EPC1: variants seen among roughly 807,000 people sequenced by gnomAD.
The protein encoded by EPC1 is enhancer of polycomb homolog 1.
In EPC1, 12 loss-of-function variants were observed where a neutral mutation model predicts 98.4. That is an observed-to-expected ratio of 0.12 (90% CI 0.08 to 0.20). The LOEUF (loss-of-function observed/expected upper bound fraction) is 0.20, where lower values mean the gene tolerates loss of function less well. EPC1 is among the 10% of genes least tolerant of loss of function. The pLI, the probability that EPC1 is intolerant of heterozygous loss-of-function variation, is 1.00. For missense variants in EPC1, 729 were observed against 990.5 expected, an observed-to-expected ratio of 0.74 and a Z score of 3.54; for synonymous variants, 357 against 363.9, an observed-to-expected ratio of 0.98 and a Z score of 0.21.
intron 1 of EPC1, chr10:32,374,266 T>C (rs1839826981): frequency 6.6e-6 from 1 of 152,208 alleles, no homozygotes; most frequent in Non-Finnish European, 1.5e-5. Flanking sequence ...ATATAATACT[T>C]CAATACTAAT....
rs373464124 is a variant in EPC1 at position 32,283,220 on chromosome 10, A to T, written c.1744+1478T>A. The T allele has an allele frequency of 5.1e-4, 78 of 152,222 alleles. 3 individuals carry two copies. In the South Asian group the frequency reaches 0.01, roughly 20 times the overall value. The allele number at this position is 152,222 out of a possible 1,614,324, so 9.4% of individuals were successfully genotyped here. A position where few individuals can be genotyped will look rare whatever the true frequency, so the allele number is the denominator to read the frequency against. ...TGTCACCTCTCAGATGACAAGACCA[A>T]CCCCTCCTCCCCCTCAATGTGAAGA... On this transcript the variant is annotated intron_variant, in intron 10 of 13. Transcript: ENST00000319778.
At chr10:32,297,837 G>A (rs1206070529) in intron 2 of EPC1, among the ~76,000 whole-genome samples, 2 of 151,898 alleles carry the variant, frequency 1.3e-5, no homozygotes, top group African/African-American at 2.4e-5. Context: ...TCGCTCTGTC[G>A]CCCAGGCTGG....
At chr10:32,359,656 C>A (rs763679840) in intron 1 of EPC1, among the ~76,000 whole-genome samples, 1 of 152,040 alleles carries the variant, frequency 6.6e-6, no homozygotes, top group Admixed American at 6.5e-5. Flanking sequence ...TTGAATAGAT[C>A]ATTTTACTCT....
At chr10:32,352,167 C>T (rs897548150), upstream of EPC1, among the ~76,000 whole-genome samples, 7 of 151,272 alleles carry the variant, frequency 4.6e-5, no homozygotes, top group Admixed American at 4.6e-4. Flanking sequence ...GCCTCAGCCT[C>T]CTGAGTAGCT....
chr10:32,295,917 C>A (rs1835124924), intron 2 of EPC1, among the ~76,000 whole-genome samples: 1 of 150,764 alleles, frequency 6.6e-6, no homozygotes, highest in South Asian at 2.1e-4. Context: ...GCAATGTTCT[C>A]AATGTTCTTT....
intron 1 of EPC1, among the ~76,000 whole-genome samples, chr10:32,329,100 G>A (rs1837485196): frequency 6.6e-6 from 1 of 152,186 alleles, no homozygotes; most frequent in African/African-American, 2.4e-5. Flanking sequence ...CATATGACAA[G>A]ATTGTACCTC....
At chr10:32,311,458 A>G (rs1836225284) in intron 1 of EPC1, among the ~76,000 whole-genome samples, 1 of 152,156 alleles carries the variant, frequency 6.6e-6, no homozygotes, top group Non-Finnish European at 1.5e-5. Context: ...TGGATAAAGA[A>G]GAGGGCACTA....
At chr10:32,296,621 A>G (rs959484206) in intron 2 of EPC1, among the ~76,000 whole-genome samples, 1 of 152,158 alleles carries the variant, frequency 6.6e-6, no homozygotes, top group African/African-American at 2.4e-5. Context: ...ATAAAATCTT[A>G]AACAGGGGCC....
At chr10:32,302,145 C>A (rs771212657) in intron 2 of EPC1, among the ~76,000 whole-genome samples, 1 of 151,716 alleles carries the variant, frequency 6.6e-6, no homozygotes, top group Non-Finnish European at 1.5e-5. Context: ...TGGTGGCATG[C>A]GCCTGTGGTC....
At chr10:32,369,062 G>T (rs1267711629) in intron 1 of EPC1, among the ~76,000 whole-genome samples, 1 of 152,176 alleles carries the variant, frequency 6.6e-6, no homozygotes, top group East Asian at 1.9e-4. Context: ...GAGGCTTCTG[G>T]TCAGCTATTC....
intron 1 of EPC1, among the ~76,000 whole-genome samples, chr10:32,325,477 T>C (rs1281216314): frequency 1.3e-5 from 2 of 152,220 alleles, no homozygotes; most frequent in Non-Finnish European, 2.9e-5. Context: ...AAGGGGCTAA[T>C]GGTTGCAAAA....
chr10:32,312,048 C>G (rs1836265537), intron 1 of EPC1, among the ~76,000 whole-genome samples: 1 of 152,146 alleles, frequency 6.6e-6, no homozygotes, highest in Non-Finnish European at 1.5e-5. Context: ...GAAAGCAAAA[C>G]CATGGATGAT....
chr10:32,305,979 T>G (rs1835853707), intron 1 of EPC1, 48 bp from the exon 2 acceptor site: 3 of 1,496,720 alleles, frequency 2.0e-6, no homozygotes, highest in Non-Finnish European at 2.7e-6. Context: ...TAAAAAGCAG[T>G]AAACAGATCA....
At chr10:32,328,999 C>T (rs1201323994) in intron 1 of EPC1, among the ~76,000 whole-genome samples, 6 of 152,310 alleles carry the variant, frequency 3.9e-5, no homozygotes, top group East Asian at 1.9e-4. Context: ...GAGCTGGCTT[C>T]GCCGGGGGAG....
At position 32,302,868 on chromosome 10, in the gene EPC1, G is replaced by A. The variant is rs180983806; in HGVS notation, c.313+2904C>T. Among the ~76,000 whole-genome samples, 15 of 152,242 alleles carry A rather than the reference G, an allele frequency of 9.9e-5. No individual in the cohort carries two copies. The Middle Eastern group carries it at 0.01, about 104-fold the overall frequency. ...CAACCCCCAGTGCTAGAGAGATATG[G>A]AGAAACTGGGTAATATACACCTGGT... On this transcript the variant is annotated intron_variant, in intron 2 of 13. Coordinates refer to ENST00000319778, the MANE Select transcript of EPC1 (RefSeq NM_001272004.3).
upstream of EPC1, chr10:32,347,588 G>A (rs1838940616): frequency 6.6e-6 from 1 of 151,950 alleles, no homozygotes; most frequent in African/African-American, 2.4e-5. Context: ...CGGACCTCTG[G>A]GGTGCTCGCC....
At chr10:32,345,575 G>C (rs1838715359) in intron 1 of EPC1, 1 of 985,368 alleles carries the variant, frequency 1.0e-6, no homozygotes, top group Non-Finnish European at 1.2e-6. Context: ...GAAAACCAAG[G>C]TATGCAATTC....
chr10:32,311,987 T>C (rs1190500962), intron 1 of EPC1, among the ~76,000 whole-genome samples: 2 of 152,204 alleles, frequency 1.3e-5, no homozygotes, highest in Admixed American at 6.5e-5. Context: ...TCTAGAATTT[T>C]CCACTTAATA....
At chr10:32,345,190 G>T in intron 1 of EPC1, 3 of 984,548 alleles carry the variant, frequency 3.0e-6, no homozygotes, top group Non-Finnish European at 3.6e-6. Context: ...CTCTAAAGTT[G>T]ATACAAGTAA....
Sources: allele counts gnomAD v4.1 joint callset (sites outside exome capture counted in the v4.1 genomes callset), GRCh38; gene constraint gnomAD v4.1.1; transcripts MANE v1.5; gene names NCBI Gene and HGNC (gene_info 2026-07-23, HGNC 2026-07-21).